NCF2: variants seen among roughly 807,000 people sequenced by gnomAD.
NCF2 encodes neutrophil cytosol factor 2.
A neutral mutation model predicts 70.9 loss-of-function variants in NCF2; 45 were observed. The ratio of observed to expected loss-of-function variants is 0.63; its 90% confidence interval spans 0.50 to 0.81. The LOEUF (loss-of-function observed/expected upper bound fraction) is 0.81. NCF2 is among the 40% of genes least tolerant of loss of function. The pLI is 0.00. For synonymous variants in NCF2, 203 were observed against 233.6 expected, an observed-to-expected ratio of 0.87 and a Z score of 1.19; for missense variants, 522 against 631.6, an observed-to-expected ratio of 0.83 and a Z score of 1.86.
chr1:183,594,533 G>T (rs1049613187), upstream of NCF2, among the ~76,000 whole-genome samples: 4 of 151,952 alleles, frequency 2.6e-5, no homozygotes, highest in Non-Finnish European at 5.9e-5. Context: ...ATTAGTTATG[G>T]TTTAAAATGT....
chr1:183,593,967 C>T (rs746227417), upstream of NCF2, among the ~76,000 whole-genome samples: 13 of 152,212 alleles, frequency 8.5e-5, no homozygotes, highest in Non-Finnish European at 1.8e-4. Context: ...CTCTACTAGA[C>T]AGCATTGTGA....
the NCF2 span, among the ~76,000 whole-genome samples, chr1:183,599,454 CTT>C: frequency 1.1e-5 from 1 of 88,290 alleles, no homozygotes; most frequent in African/African-American, 3.4e-5. Context: ...TTCTTTCTTT[CTT>C]TCTTTCTTTC....
intron 3 of NCF2, among the ~76,000 whole-genome samples, chr1:183,576,495 T>C (rs552764890): frequency 3.7e-4 from 56 of 152,228 alleles, no homozygotes; most frequent in Non-Finnish European, 6.8e-4. Flanking sequence ...ATCTAAAAGC[T>C]AGAGATGCCG....
chr1:183,586,927 G>A lies in NCF2; in HGVS notation c.225C>T (p.Phe75=). The A allele has an allele frequency of 6.2e-7, 1 of 1,614,106 alleles. No individual in the cohort carries two copies. Among genetic ancestry groups the A allele is most frequent in the Non-Finnish European group, 8.5e-7 (1 of 1,179,988 alleles). Residue 75 remains phenylalanine (F), a synonymous_variant, in exon 2 of 15, where the codon TTC becomes TTT. Coordinates refer to ENST00000367535, the MANE Select transcript of NCF2 (RefSeq NM_000433.4). ...TCTGGTAGTAGAGCATCCCTCGTTG[G>A]AAGTAAGCCACTGCCAAGTGCTTGT... The part of the protein sequence containing the change: ...NRDKHLAVAY[F]QRGMLYYQTE...
At chr1:183,565,485 C>T (rs1397267083) in intron 10 of NCF2, among the ~76,000 whole-genome samples, 1 of 152,188 alleles carries the variant, frequency 6.6e-6, no homozygotes, top group African/African-American at 2.4e-5. Context: ...ACCCAAGCCC[C>T]GTGAGTGTTC....
chr1:183,557,481 A>C (rs1002695797), intron 14 of NCF2, among the ~76,000 whole-genome samples: 7 of 152,374 alleles, frequency 4.6e-5, no homozygotes, highest in African/African-American at 1.7e-4. Context: ...ATTTAGGAAG[A>C]TTCGCAGGTG....
upstream of NCF2, among the ~76,000 whole-genome samples, chr1:183,591,604 T>C (rs1673652017): frequency 2.0e-5 from 3 of 151,630 alleles, no homozygotes; most frequent in Admixed American, 2.0e-4. Flanking sequence ...TGCCTCAGCC[T>C]CCTGAGTAGC....
In NCF2 at chr1:183,556,157, G is replaced by T; in HGVS notation, c.1542C>A (p.Cys514Ter). Reference sequence around the variant, plus strand: ...GAGTGCTTTCCAAATCTGTAGTTGCGCAGTCTTCAACAAAAACTTTGGGGA... The same window carrying T: ...GAGTGCTTTCCAAATCTGTAGTTGCTCAGTCTTCAACAAAAACTTTGGGGA... ...GIFPKVFVED[C>*]ATTDLESTRR... is the part of the protein sequence containing the mutation. Residue 514 changes from cysteine to a stop codon, truncating the protein, a stop_gained, in exon 15 of 15, where the codon TGC (cysteine) becomes TGA (stop). Coordinates refer to ENST00000367535, the MANE Select transcript of NCF2 (RefSeq NM_000433.4). LOFTEE classifies it low-confidence loss of function (END_TRUNC). 1.2e-6 allele frequency: 2 copies of T among 1,614,082 alleles called. No individual in the cohort carries two copies. The highest frequency in any genetic ancestry group is 1.7e-6 in the Non-Finnish European group (2 of 1,179,990).
chr1:183,564,565 G>T (rs1199104835), intron 10 of NCF2, among the ~76,000 whole-genome samples: 2 of 152,200 alleles, frequency 1.3e-5, no homozygotes, highest in Non-Finnish European at 2.9e-5. Flanking sequence ...GAAGGCCACT[G>T]ATCTCAAACC....
intron 1 of NCF2, among the ~76,000 whole-genome samples, chr1:183,587,584 G>C: frequency 1.1e-5 from 1 of 93,992 alleles, no homozygotes; most frequent in Admixed American, 1.4e-4. Flanking sequence ...ACAAAGTAAG[G>C]CACCCTGTCT....
At chr1:183,599,458 C>CTTTCTTTCTT in the NCF2 span, among the ~76,000 whole-genome samples, 2 of 130,924 alleles carry the variant, frequency 1.5e-5, no homozygotes, top group Non-Finnish European at 3.3e-5. Flanking sequence ...TTCTTTCTTT[C>CTTTCTTTCTT]TTTCTTTCTT....
At chr1:183,582,363 C>T (rs1673156423) in intron 2 of NCF2, among the ~76,000 whole-genome samples, 3 of 152,196 alleles carry the variant, frequency 2.0e-5, no homozygotes, top group Admixed American at 6.5e-5. Flanking sequence ...CCCCTTGGGG[C>T]GCCTTGGCTG....
intron 14 of NCF2, among the ~76,000 whole-genome samples, chr1:183,557,199 G>T (rs971259717): frequency 2.6e-5 from 4 of 152,162 alleles, no homozygotes; most frequent in African/African-American, 9.7e-5. Flanking sequence ...GACAACTTAG[G>T]TATGATCTCC....
At chr1:183,569,009 A>G (rs1290691764) in intron 7 of NCF2, 133 bp downstream of exon 7, 2 of 840,208 alleles carry the variant, frequency 2.4e-6, no homozygotes, top group Non-Finnish European at 4.1e-6. Context: ...ACATTCTAGA[A>G]GAAGCCTGAC....
intron 2 of NCF2, among the ~76,000 whole-genome samples, chr1:183,585,540 G>A (rs1673305422): frequency 6.6e-6 from 1 of 150,864 alleles, no homozygotes; most frequent in African/African-American, 2.5e-5. Context: ...CAAGAGAATT[G>A]TTTGAACGTG....
intron 2 of NCF2, among the ~76,000 whole-genome samples, chr1:183,581,177 G>C (rs559903633): frequency 6.6e-6 from 1 of 150,680 alleles, no homozygotes; most frequent in African/African-American, 2.4e-5. Context: ...AGCTACCCGG[G>C]AAGCTGAGGT....
chr1:183,581,916 C>T lies in NCF2; in HGVS notation c.258-4209G>A, dbSNP rs188243183. Among the ~76,000 whole-genome samples the T allele has an allele frequency of 4.8e-3, 725 of 152,346 alleles. 3 individuals carry two copies. Among genetic ancestry groups the T allele is most frequent in the Middle Eastern group, 0.024 (7 of 294 alleles). On this transcript the variant is annotated intron_variant, in intron 2 of 14. Transcript: ENST00000367535. ...TCTCCTTACCTCGTGATCCGCCCGC[C>T]TCGGCCTCCCAAAGTGCTGGGATTA...
the NCF2 span, among the ~76,000 whole-genome samples, chr1:183,599,458 CTTT>C: frequency 3.8e-5 from 5 of 130,920 alleles, no homozygotes; most frequent in South Asian, 2.5e-4. Context: ...TTCTTTCTTT[CTTT>C]CTTTCTTTCT....
intron 2 of NCF2, among the ~76,000 whole-genome samples, chr1:183,584,743 G>A (rs566654817): frequency 3.3e-5 from 5 of 152,168 alleles, no homozygotes; most frequent in Non-Finnish European, 5.9e-5. Flanking sequence ...GACGGGGTAA[G>A]GGGGAGTGAG....
Sources: allele counts gnomAD v4.1 joint callset (sites outside exome capture counted in the v4.1 genomes callset), GRCh38; gene constraint gnomAD v4.1.1; transcripts MANE v1.5; gene names NCBI Gene and HGNC (gene_info 2026-07-23, HGNC 2026-07-21).